The following ARHGAP6 variants were observed in gnomAD, a reference collection of about 807,000 sequenced individuals.
ARHGAP6 encodes the protein rho GTPase-activating protein 6.
A neutral mutation model predicts 55.7 loss-of-function variants in ARHGAP6; 16 were observed. The observed-to-expected ratio is 0.29, with a 90% confidence interval of 0.19 to 0.44. ARHGAP6 has a LOEUF of 0.44. Among genes scored for constraint, ARHGAP6 ranks in the 20% least tolerant of loss-of-function variants. ARHGAP6 has a pLI of 1.00. For missense variants in ARHGAP6, 698 were observed against 808.9 expected (o/e 0.86, Z 1.66); for synonymous variants, 382 against 360.9 (o/e 1.06, Z -0.66).
At chrX:11,247,919 T>C (rs979704881) in intron 2 of ARHGAP6, among the ~76,000 whole-genome samples, 2 of 111,755 alleles carry the variant, frequency 1.8e-5, no homozygotes, top group Admixed American at 1.9e-4. Context: ...AATAATCAGA[T>C]AGTCCATGCT....
At chrX:11,177,568 G>A (rs1198851490) in intron 8 of ARHGAP6, among the ~76,000 whole-genome samples, 2 of 111,478 alleles carry the variant, frequency 1.8e-5, no homozygotes, top group African/African-American at 6.5e-5. Flanking sequence ...CTTGCATCGA[G>A]CAAGTCCCTG....
intron 1 of ARHGAP6, among the ~76,000 whole-genome samples, chrX:11,332,344 C>T (rs1411982431): frequency 8.9e-6 from 1 of 111,937 alleles, no homozygotes; most frequent in Non-Finnish European, 1.9e-5. Flanking sequence ...CATATATTCT[C>T]ATTAATTTGC....
chrX:11,142,359 TA>T, intron 11 of ARHGAP6, 46 bp from the exon 12 acceptor site: 1 of 917,161 alleles, frequency 1.1e-6, no homozygotes, highest in Non-Finnish European at 1.5e-6. Flanking sequence ...AAAGGAAAAT[TA>T]AAAATCAATG....
chrX:11,559,963 A>AATAATG (rs2051367840), intron 1 of ARHGAP6, among the ~76,000 whole-genome samples: 1 of 107,271 alleles, frequency 9.3e-6, no homozygotes, highest in Non-Finnish European at 1.9e-5. Flanking sequence ...TAATAATAAT[A>AATAATG]AAGTAGGAAT....
intron 1 of ARHGAP6, chrX:11,334,923 G>A (rs762753825): frequency 3.7e-5 from 5 of 136,424 alleles, no homozygotes; most frequent in African/African-American, 1.3e-4. Flanking sequence ...CATAGCACCC[G>A]TGAAGTCAAA....
intron 1 of ARHGAP6, among the ~76,000 whole-genome samples, chrX:11,282,854 G>A (rs971268555): frequency 5.3e-5 from 6 of 112,272 alleles, no homozygotes; most frequent in African/African-American, 1.9e-4. Context: ...CTAAATTGAT[G>A]TTATAAATGA....
intron 1 of ARHGAP6, among the ~76,000 whole-genome samples, chrX:11,355,947 A>G (rs758849906): frequency 9.0e-6 from 1 of 111,500 alleles, no homozygotes; most frequent in Non-Finnish European, 1.9e-5. Context: ...TTGGAATTTT[A>G]CTCAATGCTA....
chrX:11,326,753 A>G (rs1028513274), intron 1 of ARHGAP6, among the ~76,000 whole-genome samples: 2 of 112,454 alleles, frequency 1.8e-5, no homozygotes, highest in African/African-American at 6.5e-5. Flanking sequence ...TTCATTTTCC[A>G]TAAAACTAAA....
chrX:11,575,101 A>C (rs1423267072), intron 1 of ARHGAP6, among the ~76,000 whole-genome samples: 1 of 111,486 alleles, frequency 9.0e-6, no homozygotes, highest in Non-Finnish European at 1.9e-5. Flanking sequence ...GAGCCATGTG[A>C]TCAAATAATG....
chrX:11,428,040 G>A (rs989366699), intron 1 of ARHGAP6, among the ~76,000 whole-genome samples: 1 of 112,669 alleles, frequency 8.9e-6, no homozygotes, highest in Non-Finnish European at 1.9e-5. Flanking sequence ...CCCCGGACCC[G>A]TGGGACCCCG....
At chrX:11,514,508 C>T (rs973223434) in intron 1 of ARHGAP6, among the ~76,000 whole-genome samples, 3 of 109,285 alleles carry the variant, frequency 2.7e-5, no homozygotes, top group African/African-American at 1.0e-4. Context: ...ACCACCCCAC[C>T]GTTCCCAACA....
intron 1 of ARHGAP6, among the ~76,000 whole-genome samples, chrX:11,393,699 G>A (rs2049440218): frequency 9.0e-6 from 1 of 111,193 alleles, no homozygotes; most frequent in African/African-American, 3.3e-5. Context: ...CATAATCTAG[G>A]AAATCAAGTA....
Position 11,409,291 on chromosome X carries a change from C to T in ARHGAP6, c.589-154584G>A, listed in dbSNP as rs751842707. Among the ~76,000 whole-genome samples, 24 of 112,124 alleles carry T rather than the reference C, an allele frequency of 2.1e-4. No homozygotes were observed. The South Asian group carries it at 2.2e-3, about 10-fold the overall frequency. The stretch of plus-strand genomic sequence containing the variant: ...GATATAATAACTAGGGCCACCGACA[C>T]GTAGATCCACAGCCTGCAAGAAATG... On this transcript the variant is annotated intron_variant, in intron 1 of 12. Transcript: ENST00000337414.
At chrX:11,330,414 C>T (rs1200008112) in intron 1 of ARHGAP6, among the ~76,000 whole-genome samples, 1 of 111,672 alleles carries the variant, frequency 9.0e-6, no homozygotes, top group African/African-American at 3.2e-5. Context: ...CAAATAAATA[C>T]AATTATAATT....
At chrX:11,395,221 A>G (rs1208620794) in intron 1 of ARHGAP6, among the ~76,000 whole-genome samples, 1 of 112,139 alleles carries the variant, frequency 8.9e-6, no homozygotes, top group Non-Finnish European at 1.9e-5. Flanking sequence ...AAGATTTCAG[A>G]AGGAAGAAGC....
chrX:11,329,981 A>G (rs2048542854), intron 1 of ARHGAP6, among the ~76,000 whole-genome samples: 1 of 113,251 alleles, frequency 8.8e-6, no homozygotes, highest in South Asian at 3.6e-4. Flanking sequence ...ATTGACAGAA[A>G]CATCCTCATT....
intron 1 of ARHGAP6, among the ~76,000 whole-genome samples, chrX:11,631,981 C>T (rs1347583959): frequency 1.8e-5 from 2 of 111,890 alleles, no homozygotes; most frequent in Non-Finnish European, 3.8e-5. Context: ...AGTTTACTGA[C>T]CCCTGGTCTA....
chrX:11,299,596 C>T (rs1436520177), intron 1 of ARHGAP6, among the ~76,000 whole-genome samples: 5 of 112,201 alleles, frequency 4.5e-5, no homozygotes, highest in Non-Finnish European at 9.4e-5. Context: ...ACTAAATCTT[C>T]CATTACAGGT....
intron 1 of ARHGAP6, among the ~76,000 whole-genome samples, chrX:11,637,236 T>G (rs2052428598): frequency 9.0e-6 from 1 of 111,220 alleles, no homozygotes; most frequent in Admixed American, 9.6e-5. Context: ...CATCCATTAC[T>G]TAGCATGTCA....
Sources: allele counts gnomAD v4.1 joint callset (sites outside exome capture counted in the v4.1 genomes callset), GRCh38; gene constraint gnomAD v4.1.1; transcripts MANE v1.5; gene names NCBI Gene and HGNC (gene_info 2026-07-23, HGNC 2026-07-21).